SLC35F4: variants seen among roughly 807,000 people sequenced by gnomAD.
SLC35F4 encodes the protein solute carrier family 35 member F4.
SLC35F4 carries 24 observed loss-of-function variants against 44.2 expected under a neutral mutation model. The observed-to-expected ratio is 0.54, with a 90% CI of 0.39 to 0.76. SLC35F4 has a LOEUF of 0.76. Among genes scored for constraint, SLC35F4 ranks in the 30% least tolerant of loss-of-function variants. SLC35F4 has a pLI of 0.00. For missense variants in SLC35F4, 562 were observed against 586.1 expected (o/e 0.96, Z 0.42); for synonymous variants, 238 against 223.6 (o/e 1.06, Z -0.57).
At chr14:57,819,051 A>AT (rs1214654534) in intron 1 of SLC35F4, among the ~76,000 whole-genome samples, 1 of 152,188 alleles carries the variant, frequency 6.6e-6, no homozygotes, top group African/African-American at 2.4e-5. Context: ...ATTTAAAAAA[A>AT]TTTTTTGAGG....
intron 1 of SLC35F4, among the ~76,000 whole-genome samples, chr14:57,917,971 A>G (rs1889363347): frequency 6.6e-6 from 1 of 152,032 alleles, no homozygotes; most frequent in African/African-American, 2.4e-5. Flanking sequence ...GGAGTTAGGG[A>G]CTTCTCTTCC....
At chr14:57,630,604 C>A (rs947822915) in intron 1 of SLC35F4, 2 of 855,490 alleles carry the variant, frequency 2.3e-6, no homozygotes, top group African/African-American at 1.6e-5. Flanking sequence ...CCACCTAGAT[C>A]CAAATCTCAG....
chr14:57,594,017 A>G lies in SLC35F4; in HGVS notation c.211T>C (p.Ser71Pro). The change falls in exon 2 of 8, where the codon TCT becomes CCT. Residue 71 changes from serine to proline, a missense_variant. Transcript: ENST00000556826. The part of the protein sequence containing the change: ...LSPLSVTEDS[S>P]APILELQNQG... ...TTTTGAAGTTCAAGAATAGGAGCAG[A>G]GGAATCTTCGGTGACAGACAGTGGG... 1 of 1,613,954 alleles carries G rather than the reference A, an allele frequency of 6.2e-7. No homozygotes were observed. The highest frequency in any genetic ancestry group is 8.5e-7 in the Non-Finnish European group (1 of 1,179,872).
intron 1 of SLC35F4, among the ~76,000 whole-genome samples, chr14:57,753,331 C>T (rs925472488): frequency 6.6e-5 from 10 of 152,144 alleles, no homozygotes; most frequent in African/African-American, 2.4e-4. Context: ...GGGTTGGATT[C>T]CCCAATACTT....
At chr14:57,650,126 C>T (rs1288103353) in intron 1 of SLC35F4, among the ~76,000 whole-genome samples, 1 of 152,030 alleles carries the variant, frequency 6.6e-6, no homozygotes, top group Non-Finnish European at 1.5e-5. Context: ...GTTGGAGCGC[C>T]CGAGGTCTGG....
At chr14:57,674,859 C>A (rs1289954961) in intron 1 of SLC35F4, among the ~76,000 whole-genome samples, 2 of 152,096 alleles carry the variant, frequency 1.3e-5, no homozygotes, top group Non-Finnish European at 1.5e-5. Flanking sequence ...TGAAGAGGAT[C>A]CCTAAGCTTA....
At chr14:57,854,465 T>TTAACAC (rs1444709635) in intron 1 of SLC35F4, among the ~76,000 whole-genome samples, 3 of 152,214 alleles carry the variant, frequency 2.0e-5, no homozygotes, top group Non-Finnish European at 4.4e-5. Context: ...AACTGTCTTT[T>TTAACAC]TAACACTCCA....
At chr14:57,637,084 T>C (rs1555364591) in intron 1 of SLC35F4, among the ~76,000 whole-genome samples, 1 of 152,142 alleles carries the variant, frequency 6.6e-6, no homozygotes, top group Non-Finnish European at 1.5e-5. Context: ...AAGCTTTGCA[T>C]ACGTTATGTC....
intron 1 of SLC35F4, among the ~76,000 whole-genome samples, chr14:57,750,532 G>A (rs1008840344): frequency 6.6e-6 from 1 of 152,088 alleles, no homozygotes; most frequent in African/African-American, 2.4e-5. Context: ...CCACATTGTT[G>A]CCAACATCTA....
intron 3 of SLC35F4, among the ~76,000 whole-genome samples, chr14:57,586,717 CAAAAAAAAAAAAAA>C (rs543963927): frequency 7.2e-4 from 9 of 12,492 alleles, no homozygotes; most frequent in Admixed American, 3.0e-3. Flanking sequence ...GACTCTGTCT[CAAAAAAAAAAAAAA>C]AAAAAAAAAA....
intron 1 of SLC35F4, among the ~76,000 whole-genome samples, chr14:57,829,242 TAGA>T (rs1191141643): frequency 1.3e-5 from 2 of 152,108 alleles, no homozygotes; most frequent in Non-Finnish European, 2.9e-5. Context: ...AGGATTTCAG[TAGA>T]AGAAGATAAC....
rs142357323 is a variant in SLC35F4 at position 57,737,812 on chromosome 14, C to G, written c.103+127911G>C. On this transcript the variant is annotated intron_variant, in intron 1 of 7. Transcript: ENST00000556826. ...CACAGATGAGCAGAAGCTTGGCACT[C>G]ACTGCCTCCAAGGGCAGAGCAGTTG... Among the ~76,000 whole-genome samples the G allele has an allele frequency of 1.6e-3, 247 of 152,348 alleles. 1 individual carries two copies. The East Asian group carries it at 0.028, about 18-fold the overall frequency.
At chr14:57,765,454 C>A (rs563144428) in intron 1 of SLC35F4, among the ~76,000 whole-genome samples, 14 of 152,288 alleles carry the variant, frequency 9.2e-5, no homozygotes, top group Non-Finnish European at 1.8e-4. Context: ...GAACCACAGA[C>A]ACGAGCATTT....
chr14:57,689,093 T>C (rs1386270472), intron 1 of SLC35F4, among the ~76,000 whole-genome samples: 19 of 152,146 alleles, frequency 1.2e-4, no homozygotes, highest in Admixed American at 1.2e-3. Flanking sequence ...TATCCTCTCT[T>C]TCTCCACTGA....
intron 1 of SLC35F4, among the ~76,000 whole-genome samples, chr14:57,706,502 A>G (rs1487072303): frequency 6.6e-6 from 1 of 152,208 alleles, no homozygotes; most frequent in Non-Finnish European, 1.5e-5. Flanking sequence ...ACCTTCAAGG[A>G]TCATGCAGTG....
intron 3 of SLC35F4, among the ~76,000 whole-genome samples, chr14:57,587,506 AAACT>A (rs2069838936): frequency 1.3e-5 from 2 of 152,228 alleles, no homozygotes; most frequent in Non-Finnish European, 2.9e-5. Context: ...CATTCTCAGC[AAACT>A]AACACAAGAA....
intron 1 of SLC35F4, among the ~76,000 whole-genome samples, chr14:57,929,344 GT>G (rs1246323917): frequency 4.6e-5 from 7 of 151,936 alleles, no homozygotes; most frequent in African/African-American, 1.4e-4. Context: ...ACATTAAAAT[GT>G]TTCTTCTAAA....
In SLC35F4 at chr14:57,950,585, A is replaced by G. The variant is rs1054778885; in HGVS notation, n.282+31328T>C. Reference sequence around the variant, plus strand: ...TGGGGAGCTAGGGTGATTGTTGGGGATGTTATAGGACTCTGTTTTGTCATA... The same window carrying G: ...TGGGGAGCTAGGGTGATTGTTGGGGGTGTTATAGGACTCTGTTTTGTCATA... On this transcript the variant is annotated intron_variant and non_coding_transcript_variant, in intron 1 of 1. Transcript: ENST00000556568. Among the ~76,000 whole-genome samples the G allele has an allele frequency of 2.3e-4, 35 of 150,858 alleles. 1 individual carries two copies. Among genetic ancestry groups the G allele is most frequent in the Non-Finnish European group, 2.9e-5 (2 of 67,838 alleles).
chr14:57,718,976 G>T (rs569997528), intron 1 of SLC35F4, among the ~76,000 whole-genome samples: 40 of 152,148 alleles, frequency 2.6e-4, no homozygotes, highest in Non-Finnish European at 3.4e-4. Context: ...TAAGGACTTA[G>T]ATTTAAGTCT....
Sources: gnomAD v4.1 joint callset for allele counts (sites outside exome capture counted in the v4.1 genomes callset) on GRCh38, gnomAD v4.1.1 for gene constraint, MANE v1.5 for transcripts, NCBI Gene and HGNC (gene_info 2026-07-23, HGNC 2026-07-21) for gene names.